ZFAND2A: variants seen among roughly 807,000 people sequenced by gnomAD.
The protein encoded by ZFAND2A is AN1-type zinc finger protein 2A.
Under a neutral mutation model 11.6 loss-of-function variants are expected in ZFAND2A, and 20 were observed. The observed-to-expected ratio is 1.72, with a 90% CI of 1.21 to 2.50. ZFAND2A has a LOEUF of 2.50. ZFAND2A is among the 30% of genes most tolerant of loss of function. The probability of loss-of-function intolerance (pLI) is 0.00; values close to 1 mark genes in which losing one functional copy is unlikely to be tolerated. For missense variants in ZFAND2A, 234 were observed against 182.9 expected (o/e 1.28, Z -1.61); for synonymous variants, 93 against 60.6 (o/e 1.54, Z -2.48).
At chr7:1,154,509 A>C (rs937743576) in intron 4 of ZFAND2A, among the ~76,000 whole-genome samples, 2 of 152,174 alleles carry the variant, frequency 1.3e-5, no homozygotes, top group Admixed American at 6.5e-5. Flanking sequence ...CATGTGGAAG[A>C]AGCGGGTGTG....
At position 1,160,173 on chromosome 7, in the gene ZFAND2A, G is replaced by A. The variant is rs1208998515; in HGVS notation, c.-255C>T. ...CTACGGGGATTTATCCGCAGCCCCC[G>A]GATCTGAGAGCCGTCTGGGCCTTGG... is the stretch of plus-strand genomic sequence containing the variant. On this transcript the variant is annotated 5_prime_UTR_variant, in exon 1 of 5. Transcript: ENST00000316495. 2 of 152,312 alleles carry A rather than the reference G, an allele frequency of 1.3e-5. No homozygotes were observed. Among genetic ancestry groups the A allele is most frequent in the East Asian group, 1.9e-4 (1 of 5,192 alleles). 9.4% of individuals were successfully genotyped at this position (152,312 alleles called of 1,614,324 possible).
At chr7:1,150,251 G>T (rs1793374184), downstream of ZFAND2A, among the ~76,000 whole-genome samples, 1 of 152,032 alleles carries the variant, frequency 6.6e-6, no homozygotes, top group Admixed American at 6.6e-5. Flanking sequence ...CTGACTGCAG[G>T]TCTGACCACC....
rs1055380280 is a variant in ZFAND2A, at chr7:1,158,262, A to G, written c.-45-5T>C. On this transcript the variant is annotated splice_region_variant and splice_polypyrimidine_tract_variant and intron_variant, in intron 1 of 4. Coordinates refer to ENST00000316495, the MANE Select transcript of ZFAND2A (RefSeq NM_182491.4). ...GATGGCGGAGTTAAGTGTCACCTACAAGAGAATCAGAATAGTTAGGAGGAA... is the reference window on the plus strand; with the variant it reads ...GATGGCGGAGTTAAGTGTCACCTACGAGAGAATCAGAATAGTTAGGAGGAA... The G allele has an allele frequency of 1.9e-6, 3 of 1,561,048 alleles. No homozygotes were observed. Among genetic ancestry groups the G allele is most frequent in the African/African-American group, 1.4e-5 (1 of 73,816 alleles).
chr7:1,158,389 A>T, intron 1 of ZFAND2A, 132 bp from the exon 2 acceptor site: 1 of 606,568 alleles, frequency 1.6e-6, no homozygotes, highest in Non-Finnish European at 2.9e-6. Context: ...TTTTAGTACA[A>T]ATACCAGGTG....
downstream of ZFAND2A, among the ~76,000 whole-genome samples, chr7:1,151,606 A>G (rs1793398636): frequency 6.6e-6 from 1 of 152,058 alleles, no homozygotes; most frequent in Non-Finnish European, 1.5e-5. Flanking sequence ...AAAATATAAA[A>G]GATTAGCCGG....
At chr7:1,155,991 C>T (rs1793516945) in intron 3 of ZFAND2A, among the ~76,000 whole-genome samples, 2 of 152,262 alleles carry the variant, frequency 1.3e-5, no homozygotes, top group Admixed American at 6.5e-5. Context: ...CCAGTGGCTT[C>T]TACGTACACA....
intron 3 of ZFAND2A, among the ~76,000 whole-genome samples, chr7:1,156,698 A>C (rs188375195): frequency 1.7e-3 from 264 of 152,366 alleles, no homozygotes; most frequent in African/African-American, 6.1e-3. Context: ...CCGACATGGA[A>C]CGGGTGGCAG....
chr7:1,152,199 C>T, downstream of ZFAND2A: 3 of 1,522,754 alleles, frequency 2.0e-6, no homozygotes, highest in Non-Finnish European at 2.7e-6. Flanking sequence ...TGTTCACCAA[C>T]CAAGAGCTGC....
Position 1,153,277 on chromosome 7 carries a change from T to TCG in ZFAND2A, c.283-55_283-54dup. On this transcript the variant is annotated intron_variant, in intron 4 of 4. Coordinates refer to ENST00000316495, the MANE Select transcript of ZFAND2A (RefSeq NM_182491.4). ...CAATTCTTTTTTTGGAGACAGGGTCTCGCTCTGTTGCCCAGGCTGGAGTGC... is the reference window on the plus strand; with the variant it reads ...CAATTCTTTTTTTGGAGACAGGGTCTCGCGCTCTGTTGCCCAGGCTGGAGTGC... The TCG allele has an allele frequency of 4.4e-6, 7 of 1,584,676 alleles. No homozygotes were observed. In the Middle Eastern group the frequency reaches 5.6e-4, roughly 126 times the overall value.
chr7:1,149,744 C>T (rs946943983), downstream of ZFAND2A, among the ~76,000 whole-genome samples: 5 of 152,302 alleles, frequency 3.3e-5, no homozygotes, highest in South Asian at 4.1e-4. Flanking sequence ...CACTGCGGCA[C>T]GGCGCTGCGT....
chr7:1,151,980 A>C (rs536076535), downstream of ZFAND2A: 110 of 355,124 alleles, frequency 3.1e-4, no homozygotes, highest in Non-Finnish European at 4.7e-4. Context: ...TTGATGATGC[A>C]GGAATGTTGA....
intron 1 of ZFAND2A, among the ~76,000 whole-genome samples, chr7:1,158,902 G>A (rs765213971): frequency 6.6e-6 from 1 of 151,688 alleles, no homozygotes; most frequent in Non-Finnish European, 1.5e-5. Flanking sequence ...CTTTTCCTGG[G>A]GCTCACGAGG....
chr7:1,150,450 CCT>C (rs1181228892), downstream of ZFAND2A, among the ~76,000 whole-genome samples: 13 of 152,298 alleles, frequency 8.5e-5, no homozygotes, highest in Admixed American at 6.5e-4. Context: ...CACCTTATTC[CCT>C]GACACCCCCT....
intron 3 of ZFAND2A, among the ~76,000 whole-genome samples, chr7:1,156,712 C>T (rs1057272213): frequency 1.3e-5 from 2 of 152,234 alleles, no homozygotes; most frequent in African/African-American, 4.8e-5. Flanking sequence ...GTGGCAGGTG[C>T]TCACGGAATT....
chr7:1,150,944 G>A (rs1793387218), downstream of ZFAND2A, among the ~76,000 whole-genome samples: 3 of 149,402 alleles, frequency 2.0e-5, no homozygotes, highest in South Asian at 4.2e-4. Flanking sequence ...CTGGAGTGCA[G>A]TGGCACAATC....
chr7:1,158,125 C>T (rs1483822510), intron 2 of ZFAND2A, 33 bp downstream of exon 2: 2 of 1,604,004 alleles, frequency 1.2e-6, no homozygotes, highest in African/African-American at 1.3e-5. Flanking sequence ...CAACAAAATA[C>T]CATTTTCTAT....
chr7:1,159,399 G>A (rs927651610), intron 1 of ZFAND2A, among the ~76,000 whole-genome samples: 3 of 152,168 alleles, frequency 2.0e-5, no homozygotes, highest in East Asian at 1.9e-4. Flanking sequence ...TAACGACCCC[G>A]TGCGACCCGG....
chr7:1,149,783 C>T (rs76431406), downstream of ZFAND2A, among the ~76,000 whole-genome samples: 312 of 152,128 alleles, frequency 2.1e-3, 1 homozygote, highest in African/African-American at 6.9e-3. Flanking sequence ...AGGCGTGGTG[C>T]GGTCCAGCTT....
downstream of ZFAND2A, among the ~76,000 whole-genome samples, chr7:1,150,468 C>T (rs79994522): frequency 0.016 from 2,400 of 152,242 alleles, 65 homozygotes; most frequent in African/African-American, 0.055. Flanking sequence ...CCCCTAAGTT[C>T]CCAGGAAATC....
Sources: allele counts gnomAD v4.1 joint callset (sites outside exome capture counted in the v4.1 genomes callset), GRCh38; gene constraint gnomAD v4.1.1; transcripts MANE v1.5; gene names NCBI Gene and HGNC (gene_info 2026-07-23, HGNC 2026-07-21).